The following SCP2 variants were observed in gnomAD, a reference collection of about 807,000 sequenced individuals.
The protein encoded by SCP2 is sterol carrier protein 2.
A neutral mutation model predicts 71.4 loss-of-function variants in SCP2; 48 were observed. The observed-to-expected ratio is 0.67, with a 90% CI of 0.53 to 0.86. SCP2 has a LOEUF of 0.86. SCP2 is among the 40% of genes least tolerant of loss of function. The pLI is 0.00. For missense variants in SCP2, 560 were observed against 655.6 expected (o/e 0.85, Z 1.59); for synonymous variants, 220 against 218.1 (o/e 1.01, Z -0.08).
chr1:53,008,301 C>A (rs6694402), intron 11 of SCP2, among the ~76,000 whole-genome samples: 20,828 of 152,104 alleles, frequency 0.14, 2,024 homozygotes, highest in East Asian at 0.32. Context: ...CATCCTGATA[C>A]CAAAGCCTGG....
intron 13 of SCP2, among the ~76,000 whole-genome samples, chr1:53,037,906 A>ACACACACACCCCCC (rs1663090804): frequency 1.6e-5 from 2 of 127,652 alleles, no homozygotes; most frequent in African/African-American, 6.6e-5. Context: ...ACACACACAC[A>ACACACACACCCCCC]CACACACACA....
chr1:52,993,981 T>C, intron 11 of SCP2: 1 of 1,268,994 alleles, frequency 7.9e-7, no homozygotes, highest in African/African-American at 1.5e-5. Context: ...ACATCAAGTG[T>C]CTGTTCTTTA....
rs960310585 is a variant in SCP2, at chr1:53,014,166, A to G, written c.1082-724A>G. Reference sequence around the variant, plus strand: ...GTGATCTGCCCTCCTCGGCCTCCCAAAGTGCTGGGATTACAGGCGTGAGCC... The same window carrying G: ...GTGATCTGCCCTCCTCGGCCTCCCAGAGTGCTGGGATTACAGGCGTGAGCC... On this transcript the variant is annotated intron_variant, in intron 11 of 15. Coordinates refer to ENST00000371514, the MANE Select transcript of SCP2 (RefSeq NM_002979.5). 2.0e-5 allele frequency among the ~76,000 whole-genome samples: 3 copies of G among 151,320 alleles called. No homozygotes were observed. The South Asian group carries it at 6.3e-4, about 32-fold the overall frequency.
intron 5 of SCP2, 129 bp downstream of exon 5, chr1:52,954,933 A>G (rs1655664076): frequency 5.1e-6 from 4 of 778,238 alleles, no homozygotes; most frequent in Non-Finnish European, 9.1e-6. Context: ...ATTTTGTTCA[A>G]ACTGTTTATT....
At chr1:52,930,747 A>C (rs901615650) in intron 1 of SCP2, among the ~76,000 whole-genome samples, 1 of 152,208 alleles carries the variant, frequency 6.6e-6, no homozygotes, top group African/African-American at 2.4e-5. Flanking sequence ...TTTTATATCC[A>C]TTCAATTATC....
intron 1 of SCP2, among the ~76,000 whole-genome samples, chr1:52,937,244 A>G (rs1182111890): frequency 2.0e-5 from 3 of 152,206 alleles, no homozygotes; most frequent in Non-Finnish European, 4.4e-5. Flanking sequence ...CTAACAAGAA[A>G]TATCTGAAAG....
intron 6 of SCP2, among the ~76,000 whole-genome samples, chr1:52,963,391 C>CTA (rs981960689): frequency 1.3e-5 from 2 of 150,776 alleles, no homozygotes; most frequent in African/African-American, 4.9e-5. Flanking sequence ...TCTTTCTCTT[C>CTA]TATAGTCTGC....
intron 6 of SCP2, among the ~76,000 whole-genome samples, chr1:52,966,817 C>T (rs527692726): frequency 1.1e-4 from 17 of 151,840 alleles, no homozygotes; most frequent in African/African-American, 4.1e-4. Context: ...CACTTCAACC[C>T]GGGAGGTGGA....
At chr1:53,002,468 G>A (rs536026863) in intron 11 of SCP2, among the ~76,000 whole-genome samples, 122 of 152,238 alleles carry the variant, frequency 8.0e-4, no homozygotes, top group Admixed American at 1.4e-3. Context: ...TTCTAACATG[G>A]CTTCTCAAAA....
At chr1:52,968,546 C>A (rs1226931618) in intron 6 of SCP2, among the ~76,000 whole-genome samples, 2 of 152,028 alleles carry the variant, frequency 1.3e-5, no homozygotes, top group Non-Finnish European at 2.9e-5. Flanking sequence ...GTGTACAATT[C>A]AGTGATTTTT....
intron 11 of SCP2, among the ~76,000 whole-genome samples, chr1:53,002,571 G>A (rs1168124761): frequency 6.6e-6 from 1 of 152,226 alleles, no homozygotes; most frequent in East Asian, 1.9e-4. Flanking sequence ...AATGTTGTAA[G>A]GAGAATTTTG....
chr1:53,001,857 A>G (rs1425093081), intron 11 of SCP2, among the ~76,000 whole-genome samples: 1 of 152,130 alleles, frequency 6.6e-6, no homozygotes, highest in East Asian at 1.9e-4. Context: ...TGCTCATAGT[A>G]TATATTATCA....
At chr1:52,985,385 A>G (rs931121344) in intron 10 of SCP2, among the ~76,000 whole-genome samples, 3 of 152,134 alleles carry the variant, frequency 2.0e-5, no homozygotes, top group Non-Finnish European at 4.4e-5. Flanking sequence ...CACAATCATC[A>G]TTAAATCTAT....
rs535221087 is a variant in SCP2 at position 52,981,092 on chromosome 1, C to T, written c.973+549C>T. ...GATTACAGGCACCTGCCAACACGCC[C>T]GGCTAATTTTTGTATTTTTAGTAGA... On this transcript the variant is annotated intron_variant, in intron 10 of 15. Coordinates refer to ENST00000371514, the MANE Select transcript of SCP2 (RefSeq NM_002979.5). Among the ~76,000 whole-genome samples, 245 of 152,180 alleles carry T rather than the reference C, an allele frequency of 1.6e-3. 1 individual carries two copies. Among genetic ancestry groups the T allele is most frequent in the Non-Finnish European group, 2.7e-3 (183 of 68,012 alleles).
At chr1:52,945,536 C>G (rs186211353) in intron 2 of SCP2, among the ~76,000 whole-genome samples, 1 of 152,140 alleles carries the variant, frequency 6.6e-6, no homozygotes, top group East Asian at 1.9e-4. Flanking sequence ...AACTCCATCT[C>G]TACTAAAAAT....
intron 13 of SCP2, among the ~76,000 whole-genome samples, chr1:53,038,246 G>A (rs139422140): frequency 0.099 from 14,767 of 149,772 alleles, 1,418 homozygotes; most frequent in African/African-American, 0.22. Context: ...ATTTATATAT[G>A]TGTGTGTACA....
At chr1:53,042,579 G>A (rs1446353712) in intron 14 of SCP2, among the ~76,000 whole-genome samples, 4 of 152,258 alleles carry the variant, frequency 2.6e-5, no homozygotes, top group Admixed American at 6.5e-5. Context: ...GCCAAGAGTG[G>A]TGTTGAAATA....
At chr1:52,929,839 G>A (rs768644765) in intron 1 of SCP2, among the ~76,000 whole-genome samples, 3 of 152,082 alleles carry the variant, frequency 2.0e-5, no homozygotes, top group Non-Finnish European at 4.4e-5. Context: ...TAGCCAGGAT[G>A]GTCTTAACCT....
At chr1:53,003,577 A>G (rs943272223) in intron 11 of SCP2, among the ~76,000 whole-genome samples, 5 of 152,062 alleles carry the variant, frequency 3.3e-5, no homozygotes, top group African/African-American at 7.2e-5. Flanking sequence ...CAGTGCAAAC[A>G]TGGTGCAAAC....
Sources: gnomAD v4.1 joint callset for allele counts (sites outside exome capture counted in the v4.1 genomes callset) on GRCh38, gnomAD v4.1.1 for gene constraint, MANE v1.5 for transcripts, NCBI Gene and HGNC (gene_info 2026-07-23, HGNC 2026-07-21) for gene names.